The following KCNJ14 variants were observed in gnomAD, a reference collection of about 807,000 sequenced individuals.
The protein encoded by KCNJ14 is potassium inwardly rectifying channel subfamily J member 14.
A neutral mutation model predicts 24.5 loss-of-function variants in KCNJ14; 18 were observed. That is an observed-to-expected ratio of 0.74 (90% CI 0.51 to 1.09). KCNJ14 has a LOEUF of 1.09. Among genes scored for constraint, KCNJ14 ranks in the 50% least tolerant of loss-of-function variants. KCNJ14 has a pLI of 0.00. For synonymous variants in KCNJ14, 288 were observed against 270.8 expected (o/e 1.06, Z -0.63); for missense variants, 633 against 623.0 (o/e 1.02, Z -0.17).
chr19:48,464,192 C>T lies in KCNJ14; in HGVS notation c.726C>T (p.Thr242=), dbSNP rs1414551631. 2 of 1,613,564 alleles carry T rather than the reference C, an allele frequency of 1.2e-6. No homozygotes were observed. Among genetic ancestry groups the T allele is most frequent in the East Asian group, 4.5e-5 (2 of 44,894 alleles). ...VRAQLLQPRV[T]PEGEYIPLDH... ...GCCTCCTGCTGCAGCCCCGTGTGAC[C>T]CCAGAGGGTGAGTACATCCCGCTGG... Residue 242 remains threonine, a synonymous_variant, in exon 3 of 3, where the codon ACC becomes ACT. Transcript: ENST00000342291.
rs1480993498 is a variant in KCNJ14, at chr19:48,465,667, T to C, written c.*890T>C. On this transcript the variant is annotated 3_prime_UTR_variant, in exon 3 of 3. Transcript: ENST00000342291. ...CTAGAATGTCCAAAGGGAATCAGGA[T>C]TCTGTGGCTGTAGACTGATCACAGA... 1 of 152,570 alleles carries C rather than the reference T, an allele frequency of 6.6e-6. No homozygotes were observed. Among genetic ancestry groups the C allele is most frequent in the Non-Finnish European group, 1.5e-5 (1 of 68,034 alleles). The allele number at this position is 152,570 out of a possible 1,614,324, so 9.5% of individuals were successfully genotyped here.
Position 48,462,435 on chromosome 19 carries a change from G to A in KCNJ14, c.711G>A (p.Leu237=), listed in dbSNP as rs1971612532. Residue 237 remains leucine, a synonymous_variant, in exon 2 of 3, where the codon CTG becomes CTA. Transcript: ENST00000342291. This position sits in a 1 kb window ranked among gnomAD's most constrained non-coding sequence, Gnocchi z 4.9. The stretch of plus-strand genomic sequence containing the variant: ...AGGCCCACGTGCGTGCCCAGCTGCT[G>A]CAGGTGCGCCCGGGAGGAGAGGCGG... ...LVEAHVRAQL[L]QPRVTPEGEY... 2 of 1,470,676 alleles carry A rather than the reference G, an allele frequency of 1.4e-6. No homozygotes were observed. The highest frequency in any genetic ancestry group is 1.8e-6 in the Non-Finnish European group (2 of 1,107,870). 91.1% of individuals were successfully genotyped at this position (1,470,676 alleles called of 1,614,324 possible). A position where few individuals can be genotyped will look rare whatever the true frequency, so the allele number is the denominator to read the frequency against.
intron 1 of KCNJ14, among the ~76,000 whole-genome samples, chr19:48,460,001 C>A (rs1476914176): frequency 1.4e-5 from 2 of 142,984 alleles, no homozygotes; most frequent in South Asian, 2.2e-4. Context: ...GTCTAGGTGA[C>A]AAAGTGAGAG....
chr19:48,462,084 C>CCCGCCA lies in KCNJ14; in HGVS notation c.366_371dup (p.Pro123_Pro124dup). 3.7e-6 allele frequency: 6 copies of CCCGCCA among 1,601,994 alleles called. No individual in the cohort carries two copies. The highest frequency in any genetic ancestry group is 5.1e-6 in the Non-Finnish European group (6 of 1,176,276). On this transcript the variant is annotated inframe_insertion, in exon 2 of 3. Coordinates refer to ENST00000342291, the MANE Select transcript of KCNJ14 (RefSeq NM_013348.4). This position sits in a 1 kb window ranked among gnomAD's most constrained non-coding sequence, Gnocchi z 4.9. ...CCTCGCTGCACGGCGACCTGGCCGC[C>CCCGCCA]CCGCCACCGCCCGCGCCCTGCTTCT...
chr19:48,462,062 C>T lies in KCNJ14; in HGVS notation c.338C>T (p.Ser113Leu). 4 of 1,608,886 alleles carry T rather than the reference C, an allele frequency of 2.5e-6. No homozygotes were observed. Among genetic ancestry groups the T allele is most frequent in the South Asian group, 1.1e-5 (1 of 90,808 alleles). The change falls in exon 2 of 3, where the codon TCG becomes TTG. Residue 113 changes from serine (S) to leucine (L), a missense_variant. By Grantham distance (145) the Ser-to-Leu change is moderately radical. Coordinates refer to ENST00000342291, the MANE Select transcript of KCNJ14 (RefSeq NM_013348.4). The surrounding 1 kb of genome is among the most constrained non-coding windows in gnomAD (Gnocchi z 4.9). ...GGCCTGGCCTTCTGGCTCATTGCCT[C>T]GCTGCACGGCGACCTGGCCGCCCCG... ...LFGLAFWLIA[S>L]LHGDLAAPPP...
chr19:48,458,237 CTA>C (rs575652340), intron 1 of KCNJ14, among the ~76,000 whole-genome samples: 3 of 152,260 alleles, frequency 2.0e-5, no homozygotes, highest in East Asian at 3.9e-4. Context: ...TGTGGTAATT[CTA>C]TGTTTAACCA....
rs999851662 is a variant in KCNJ14, at chr19:48,462,885, G to A, written c.714+447G>A. Among the ~76,000 whole-genome samples the A allele has an allele frequency of 6.6e-5, 10 of 152,164 alleles. No individual in the cohort carries two copies. Among genetic ancestry groups the A allele is most frequent in the East Asian group, 1.9e-4 (1 of 5,190 alleles). On this transcript the variant is annotated intron_variant, in intron 2 of 2. Transcript: ENST00000342291. The surrounding 1 kb of genome is among the most constrained non-coding windows in gnomAD (Gnocchi z 4.9). ...AATTCCCACTGGACACTGTGGCACAGTCGGAGGCCTGTGACTTGAGGCCCC... is the reference window on the plus strand; with the variant it reads ...AATTCCCACTGGACACTGTGGCACAATCGGAGGCCTGTGACTTGAGGCCCC...
Position 48,461,663 on chromosome 19 carries a change from G to T in KCNJ14, c.-55-7G>T. The stretch of plus-strand genomic sequence containing the variant: ...CCCCTGACGTTTCTGCCGGTTTCTT[G>T]TCCCAGCAGGTTGGGGGCGCCTGCC... On this transcript the variant is annotated splice_polypyrimidine_tract_variant and splice_region_variant and intron_variant, in intron 1 of 2. Coordinates refer to ENST00000342291, the MANE Select transcript of KCNJ14 (RefSeq NM_013348.4). 3 of 1,072,458 alleles carry T rather than the reference G, an allele frequency of 2.8e-6. No homozygotes were observed. Among genetic ancestry groups the T allele is most frequent in the Non-Finnish European group, 3.7e-6 (3 of 801,944 alleles). 66.4% of individuals were successfully genotyped at this position (1,072,458 alleles called of 1,614,324 possible).
intron 1 of KCNJ14, among the ~76,000 whole-genome samples, chr19:48,460,852 T>C (rs910358738): frequency 6.6e-6 from 1 of 152,146 alleles, no homozygotes; most frequent in Non-Finnish European, 1.5e-5. Context: ...CTGTTTATCT[T>C]CCAACTTGGA....
In KCNJ14 at chr19:48,466,194, C is replaced by T. The variant is rs1971653534; in HGVS notation, c.*1417C>T. The T allele has an allele frequency of 6.6e-6, 1 of 151,924 alleles. No individual in the cohort carries two copies. The highest frequency in any genetic ancestry group is 1.5e-5 in the Non-Finnish European group (1 of 68,036). 9.4% of individuals were successfully genotyped at this position (151,924 alleles called of 1,614,324 possible). A position where few individuals can be genotyped will look rare whatever the true frequency, so the allele number is the denominator to read the frequency against. ...TCCCGGCTTCAAGTGTTTCTCCTGC[C>T]TCAGTCTCCTGAGTCGCTGGGATTA... On this transcript the variant is annotated 3_prime_UTR_variant, in exon 3 of 3. Transcript: ENST00000342291.
chr19:48,464,467 T>C lies in KCNJ14; in HGVS notation c.1001T>C (p.Val334Ala), dbSNP rs747917931. 4 of 1,613,908 alleles carry C rather than the reference T, an allele frequency of 2.5e-6. 1 individual carries two copies. In the East Asian group the frequency reaches 8.9e-5, roughly 36 times the overall value. ...ELLWGHRFEPVLFQRGSQYEV... is the reference protein window; with the variant it reads ...ELLWGHRFEPALFQRGSQYEV... ...CTCTGGGGCCATCGTTTTGAGCCAG[T>C]TCTCTTCCAGCGTGGCTCCCAGTAT... The change falls in exon 3 of 3, where the codon GTT (valine) becomes GCT (alanine). Residue 334 changes from valine to alanine, a missense_variant. By Grantham distance (64) the Val-to-Ala change is moderately conservative. Transcript: ENST00000342291.
At chr19:48,457,720 C>G (rs1366959089) in intron 1 of KCNJ14, among the ~76,000 whole-genome samples, 1 of 152,044 alleles carries the variant, frequency 6.6e-6, no homozygotes, top group Non-Finnish European at 1.5e-5. Context: ...CTTTGTCGCC[C>G]AAGCTCGAGT....
rs1971642861 is a variant in KCNJ14, at chr19:48,465,090, G to A, written c.*313G>A. On this transcript the variant is annotated 3_prime_UTR_variant, in exon 3 of 3. Coordinates refer to ENST00000342291, the MANE Select transcript of KCNJ14 (RefSeq NM_013348.4). ...TCCTCTATATGGGGAGACCTGGATT[G>A]TTGACCAGGGTGAGAAGCCAATGGT... 5 of 330,356 alleles carry A rather than the reference G, an allele frequency of 1.5e-5. No individual in the cohort carries two copies. In the South Asian group the frequency reaches 2.8e-4, roughly 18 times the overall value. The allele number at this position is 330,356 out of a possible 1,614,324, so 20.5% of individuals were successfully genotyped here.
In KCNJ14 at chr19:48,462,640, G is replaced by C. The variant is rs1174885346; in HGVS notation, c.714+202G>C. The stretch of plus-strand genomic sequence containing the variant: ...GAAAGGTATGTGACCAGCTCTTCCT[G>C]GAGGCCTGGATTTGGGGCATACAGA... On this transcript the variant is annotated intron_variant, in intron 2 of 2. Coordinates refer to ENST00000342291, the MANE Select transcript of KCNJ14 (RefSeq NM_013348.4). This position sits in a 1 kb window ranked among gnomAD's most constrained non-coding sequence, Gnocchi z 4.9. Among the ~76,000 whole-genome samples, 9 of 152,208 alleles carry C rather than the reference G, an allele frequency of 5.9e-5. No individual in the cohort carries two copies. Among genetic ancestry groups the C allele is most frequent in the Non-Finnish European group, 1.0e-4 (7 of 68,032 alleles).
chr19:48,464,298 A>T lies in KCNJ14; in HGVS notation c.832A>T (p.Ile278Phe). ...LVSPITIVHE[I>F]DSASPLYELG... is the part of the protein sequence containing the mutation. ...GTCCCCCATCACCATCGTCCATGAGATCGACTCTGCCAGTCCTCTGTATGA... is the reference window on the plus strand; with the variant it reads ...GTCCCCCATCACCATCGTCCATGAGTTCGACTCTGCCAGTCCTCTGTATGA... Residue 278 changes from isoleucine (I) to phenylalanine (F), a missense_variant, in exon 3 of 3, where the codon ATC becomes TTC. By Grantham distance (21) the Ile-to-Phe change is conservative. Coordinates refer to ENST00000342291, the MANE Select transcript of KCNJ14 (RefSeq NM_013348.4). The T allele has an allele frequency of 6.2e-7, 1 of 1,613,728 alleles. No individual in the cohort carries two copies. The highest frequency in any genetic ancestry group is 8.5e-7 in the Non-Finnish European group (1 of 1,179,922).
chr19:48,455,671 C>T lies in KCNJ14; in HGVS notation c.-243C>T, dbSNP rs915970034. ...TGGGAAGTAGACAACGGGTCTGCCT[C>T]ACGGGGCTGAGGTGGGACTGGAGGA... On this transcript the variant is annotated 5_prime_UTR_variant, in exon 1 of 3. Transcript: ENST00000342291. 6.6e-6 allele frequency: 1 copy of T among 152,220 alleles called. No homozygotes were observed. Among genetic ancestry groups the T allele is most frequent in the Non-Finnish European group, 1.5e-5 (1 of 68,086 alleles). 9.4% of individuals were successfully genotyped at this position (152,220 alleles called of 1,614,324 possible). A position where few individuals can be genotyped will look rare whatever the true frequency, so the allele number is the denominator to read the frequency against.
chr19:48,461,759 G>C lies in KCNJ14; in HGVS notation c.35G>C (p.Gly12Ala). ...GLARALRRLS[G>A]ALDSGDSRAG... is the part of the protein sequence containing the mutation. ...GCCAGGGCCCTACGCCGCCTCAGCG[G>C]CGCCCTGGATTCGGGAGACAGCCGG... The change falls in exon 2 of 3, where the codon GGC becomes GCC. Residue 12 changes from glycine to alanine, a missense_variant. Coordinates refer to ENST00000342291, the MANE Select transcript of KCNJ14 (RefSeq NM_013348.4). 2.8e-6 allele frequency: 4 copies of C among 1,444,912 alleles called. No homozygotes were observed. The highest frequency in any genetic ancestry group is 3.6e-6 in the Non-Finnish European group (4 of 1,102,106). The allele number at this position is 1,444,912 out of a possible 1,614,324, so 89.5% of individuals were successfully genotyped here.
Position 48,462,069 on chromosome 19 carries a change from C to A in KCNJ14, c.345C>A (p.His115Gln), listed in dbSNP as rs1569083682. The A allele has an allele frequency of 1.2e-6, 2 of 1,608,068 alleles. No individual in the cohort carries two copies. Among genetic ancestry groups the A allele is most frequent in the Non-Finnish European group, 1.7e-6 (2 of 1,178,946 alleles). The change falls in exon 2 of 3, where the codon CAC (histidine) becomes CAA (glutamine). Residue 115 changes from histidine (H) to glutamine (Q), a missense_variant. Transcript: ENST00000342291. The surrounding 1 kb of genome is among the most constrained non-coding windows in gnomAD (Gnocchi z 4.9). ...CCTTCTGGCTCATTGCCTCGCTGCA[C>A]GGCGACCTGGCCGCCCCGCCACCGC... ...GLAFWLIASLHGDLAAPPPPA... is the reference protein window; with the variant it reads ...GLAFWLIASLQGDLAAPPPPA...
intron 1 of KCNJ14, among the ~76,000 whole-genome samples, chr19:48,459,671 A>C (rs1971573362): frequency 6.6e-6 from 1 of 152,262 alleles, no homozygotes; most frequent in East Asian, 1.9e-4. Context: ...GCTAGGATAC[A>C]GGTGTGTACC....
Sources: gnomAD v4.1 joint callset for allele counts (sites outside exome capture counted in the v4.1 genomes callset) on GRCh38, gnomAD v4.1.1 for gene constraint, Gnocchi (gnomAD v3.1) non-coding constraint, MANE v1.5 for transcripts, NCBI Gene and HGNC (gene_info 2026-07-23, HGNC 2026-07-21) for gene names.